Variants in ATP6V1C1 observed in about 807,000 individuals in gnomAD.
The protein encoded by ATP6V1C1 is V-type proton ATPase subunit C 1.
Under a neutral mutation model 53.9 loss-of-function variants are expected in ATP6V1C1, and 45 were observed. The ratio of observed to expected loss-of-function variants is 0.83; its 90% CI spans 0.66 to 1.07. The LOEUF is 1.07. Among genes scored for constraint, ATP6V1C1 ranks in the 50% least tolerant of loss-of-function variants. ATP6V1C1 has a pLI of 0.00. For missense variants in ATP6V1C1, 315 were observed against 440.3 expected (o/e 0.72, Z 2.55); for synonymous variants, 153 against 155.2 (o/e 0.99, Z 0.11).
chr8:103,046,357 C>T (rs1817096670), intron 3 of ATP6V1C1, among the ~76,000 whole-genome samples: 1 of 152,062 alleles, frequency 6.6e-6, no homozygotes, highest in Non-Finnish European at 1.5e-5. Flanking sequence ...TAGGCTTGCA[C>T]CACCACACCC....
At position 103,023,544 on chromosome 8, in the gene ATP6V1C1, A is replaced by G. The variant is rs201657115; in HGVS notation, c.-40+2319A>G. Among the ~76,000 whole-genome samples the G allele has an allele frequency of 7.2e-5, 11 of 152,208 alleles. No homozygotes were observed. The East Asian group carries it at 2.1e-3, about 29-fold the overall frequency. ...TACCCTCGAGGCAGTCCTGAAGTAC[A>G]TAGCAGAGGCTCTTTTGCAAAAATT... On this transcript the variant is annotated intron_variant, in intron 1 of 12. Coordinates refer to ENST00000518738, the MANE Select transcript of ATP6V1C1 (RefSeq NM_001695.5).
chr8:103,043,623 G>C (rs1225685925), intron 3 of ATP6V1C1, among the ~76,000 whole-genome samples: 1 of 151,926 alleles, frequency 6.6e-6, no homozygotes, highest in Admixed American at 6.6e-5. Context: ...GAGCCACCGC[G>C]CCCGGCTGAT....
intron 2 of ATP6V1C1, 104 bp from the exon 3 acceptor site, chr8:103,042,236 A>G: frequency 9.1e-7 from 1 of 1,093,416 alleles, no homozygotes; most frequent in South Asian, 1.4e-5. Context: ...GAAATAAAAT[A>G]GGGAGAATTT....
At chr8:103,046,240 G>C (rs1010869208) in intron 3 of ATP6V1C1, among the ~76,000 whole-genome samples, 11 of 151,538 alleles carry the variant, frequency 7.3e-5, no homozygotes, top group African/African-American at 2.7e-4. Context: ...ACAGGGTCTT[G>C]GTGTCACCCA....
chr8:103,049,477 A>C (rs139342404), intron 4 of ATP6V1C1, among the ~76,000 whole-genome samples: 2,265 of 152,342 alleles, frequency 0.015, 47 homozygotes, highest in Non-Finnish European at 0.019. Flanking sequence ...TGTAGCTAGA[A>C]GCCAGTATTT....
intron 11 of ATP6V1C1, 100 bp from the exon 12 acceptor site, chr8:103,066,221 C>T (rs1042386645): frequency 2.0e-5 from 27 of 1,366,846 alleles, no homozygotes; most frequent in South Asian, 3.0e-5. Flanking sequence ...ATTCTCTCCC[C>T]GTTAACCATG....
chr8:103,063,201 G>A lies in ATP6V1C1; in HGVS notation c.801G>A (p.Arg267=), dbSNP rs766837049. Residue 267 remains arginine (R), a synonymous_variant, in exon 10 of 13, where the codon AGG becomes AGA. Transcript: ENST00000518738. ...AAGCAGATAAAGAAGAAATGAACAG[G>A]CTTTCTACTGATAAGAAAAAACAAT... ...EMKADKEEMN[R]LSTDKKKQFG... 6.2e-7 allele frequency: 1 copy of A among 1,608,512 alleles called. No individual in the cohort carries two copies. The highest frequency in any genetic ancestry group is 2.2e-5 in the East Asian group (1 of 44,708).
At chr8:103,066,583 T>G (rs565375316) in intron 12 of ATP6V1C1, 136 bp downstream of exon 12, 1 of 986,316 alleles carries the variant, frequency 1.0e-6, no homozygotes, top group Non-Finnish European at 1.4e-6. Flanking sequence ...TCTCAATTTG[T>G]TATGTAAACA....
At chr8:103,059,714 A>G (rs1817359837) in intron 8 of ATP6V1C1, among the ~76,000 whole-genome samples, 1 of 151,686 alleles carries the variant, frequency 6.6e-6, no homozygotes, top group African/African-American at 2.4e-5. Context: ...TGACTCCCTC[A>G]TCCCTTGCCT....
At chr8:103,050,055 T>C (rs1489590973) in intron 4 of ATP6V1C1, among the ~76,000 whole-genome samples, 1 of 152,202 alleles carries the variant, frequency 6.6e-6, no homozygotes, top group Non-Finnish European at 1.5e-5. Flanking sequence ...TTAAATCCAG[T>C]GTTCCTGAAA....
chr8:103,057,864 C>T (rs921798944), intron 8 of ATP6V1C1, among the ~76,000 whole-genome samples: 4 of 151,788 alleles, frequency 2.6e-5, no homozygotes, highest in African/African-American at 7.3e-5. Context: ...ATCTTTCCTT[C>T]ATACCAGCTC....
At chr8:103,060,748 G>A (rs891181751) in intron 8 of ATP6V1C1, among the ~76,000 whole-genome samples, 2 of 152,190 alleles carry the variant, frequency 1.3e-5, no homozygotes, top group African/African-American at 2.4e-5. Context: ...AGGTGGCATA[G>A]TAGGATTTAG....
intron 3 of ATP6V1C1, 92 bp from the exon 4 acceptor site, chr8:103,048,778 C>T: frequency 9.3e-7 from 1 of 1,078,226 alleles, no homozygotes. Context: ...AACATATAGT[C>T]AAATTCATGT....
chr8:103,059,350 C>T (rs1367354888), intron 8 of ATP6V1C1, among the ~76,000 whole-genome samples: 2 of 152,138 alleles, frequency 1.3e-5, no homozygotes, highest in East Asian at 3.8e-4. Flanking sequence ...CTGGTTCCTA[C>T]TGGACCACTC....
intron 1 of ATP6V1C1, among the ~76,000 whole-genome samples, chr8:103,021,602 G>C (rs1306259061): frequency 7.1e-6 from 1 of 140,402 alleles, no homozygotes; most frequent in Non-Finnish European, 1.6e-5. Context: ...CACAGCTAGC[G>C]CAAGTGCCTT....
At chr8:103,046,989 T>C (rs1345582346) in intron 3 of ATP6V1C1, among the ~76,000 whole-genome samples, 1 of 152,204 alleles carries the variant, frequency 6.6e-6, no homozygotes, top group African/African-American at 2.4e-5. Context: ...CATTTTAGAA[T>C]GTTCGTAGCA....
chr8:103,021,629 G>T (rs570979483), intron 1 of ATP6V1C1, among the ~76,000 whole-genome samples: 5 of 150,638 alleles, frequency 3.3e-5, no homozygotes, highest in East Asian at 1.9e-4. Flanking sequence ...GTGTGTGTTG[G>T]GGGGGGCGCG....
rs537957384 is a variant in ATP6V1C1, at chr8:103,066,527, A to G, written c.1053+80A>G. 2.2e-6 allele frequency: 3 copies of G among 1,392,816 alleles called. No individual in the cohort carries two copies. The South Asian group carries it at 4.8e-5, about 22-fold the overall frequency. The allele number at this position is 1,392,816 out of a possible 1,614,324, so 86.3% of individuals were successfully genotyped here. A position where few individuals can be genotyped will look rare whatever the true frequency, so the allele number is the denominator to read the frequency against. ...ATGATTGAAAGAAGATAGACAGAAA[A>G]GGGAGGGTAAGTATGAAACTTAATC... On this transcript the variant is annotated intron_variant, in intron 12 of 12. Coordinates refer to ENST00000518738, the MANE Select transcript of ATP6V1C1 (RefSeq NM_001695.5).
chr8:103,071,458 A>G lies in ATP6V1C1; in HGVS notation c.*2711A>G. 1 of 152,188 alleles carries G rather than the reference A, an allele frequency of 6.6e-6. No homozygotes were observed. Among genetic ancestry groups the G allele is most frequent in the Non-Finnish European group, 1.5e-5 (1 of 68,012 alleles). The allele number at this position is 152,188 out of a possible 1,614,324, so 9.4% of individuals were successfully genotyped here. A position where few individuals can be genotyped will look rare whatever the true frequency, so the allele number is the denominator to read the frequency against. The stretch of plus-strand genomic sequence containing the variant: ...TCAGAATTTGAACCTAAGATTTTTG[A>G]CTGCTGGTTGTCACACTTCCCGCCC... On this transcript the variant is annotated 3_prime_UTR_variant, in exon 13 of 13. Transcript: ENST00000518738.
Sources: gnomAD v4.1 joint callset for allele counts (sites outside exome capture counted in the v4.1 genomes callset) on GRCh38, gnomAD v4.1.1 for gene constraint, MANE v1.5 for transcripts, NCBI Gene and HGNC (gene_info 2026-07-23, HGNC 2026-07-21) for gene names.